The following ANK2 variants were observed in gnomAD, a reference collection of about 807,000 sequenced individuals.
ANK2 encodes ankyrin-2.
A neutral mutation model predicts 360.5 loss-of-function variants in ANK2; 83 were observed. The observed-to-expected ratio is 0.23, with a 90% CI of 0.19 to 0.28. The LOEUF is 0.28. Among genes scored for constraint, ANK2 ranks in the 10% least tolerant of loss-of-function variants. The pLI is 1.00. For missense variants in ANK2, 4,201 were observed against 4,795.7 expected (o/e 0.88, Z 3.66); for synonymous variants, 1,740 against 1,759.5 (o/e 0.99, Z 0.28).
chr4:112,788,354 A>C, the ANK2 span: 1 of 1,549,954 alleles, frequency 6.5e-7, no homozygotes, highest in Non-Finnish European at 8.8e-7. Flanking sequence ...AGGGACCACC[A>C]TTTTACGACA....
intron 13 of ANK2, among the ~76,000 whole-genome samples, chr4:113,259,191 T>C (rs577108084): frequency 6.6e-6 from 1 of 152,246 alleles, no homozygotes; most frequent in Non-Finnish European, 1.5e-5. Flanking sequence ...AATCATTGAA[T>C]GCAAATGTTC....
intron 31 of ANK2, among the ~76,000 whole-genome samples, chr4:113,337,227 G>A (rs1195566434): frequency 6.6e-6 from 1 of 152,168 alleles, no homozygotes; most frequent in Non-Finnish European, 1.5e-5. Context: ...ATACCCAATA[G>A]TTCAAACCAA....
chr4:113,144,032 T>C (rs1364351366), intron 1 of ANK2, among the ~76,000 whole-genome samples: 1 of 151,868 alleles, frequency 6.6e-6, no homozygotes, highest in African/African-American at 2.4e-5. Flanking sequence ...ATTTAAAAGG[T>C]TTAGATTTCA....
chr4:113,162,721 G>GT (rs1294080776), intron 1 of ANK2, among the ~76,000 whole-genome samples: 1 of 139,932 alleles, frequency 7.1e-6, no homozygotes, highest in African/African-American at 2.7e-5. Flanking sequence ...GGTCTATCTT[G>GT]TAGCTAAAGG....
chr4:112,994,941 C>A (rs2048040780), intron 2 of ANK2, among the ~76,000 whole-genome samples: 2 of 152,152 alleles, frequency 1.3e-5, no homozygotes, highest in African/African-American at 4.8e-5. Context: ...GACTTCATTC[C>A]TTTTTTATGG....
At chr4:112,735,320 T>C in the ANK2 span, among the ~76,000 whole-genome samples, 1 of 151,324 alleles carries the variant, frequency 6.6e-6, no homozygotes, top group African/African-American at 2.4e-5. Flanking sequence ...GGCAGAGAGA[T>C]ACTCTGTTTC....
In ANK2 at chr4:113,358,848, C is replaced by T; in HGVS notation, c.10230C>T (p.Tyr3410=). 5 of 1,614,080 alleles carry T rather than the reference C, an allele frequency of 3.1e-6. No homozygotes were observed. The highest frequency in any genetic ancestry group is 4.2e-6 in the Non-Finnish European group (5 of 1,179,980). The change falls in exon 38 of 46, where the codon TAC becomes TAT. Residue 3410 remains tyrosine (Y), a synonymous_variant. Coordinates refer to ENST00000357077, the MANE Select transcript of ANK2 (RefSeq NM_001148.6). ...AATGCCCAGTAAAAACCCGAAGTTA[C>T]ACTGAGACAGAAACAGAGAGCAGAG... is the stretch of plus-strand genomic sequence containing the variant. ...KTKCPVKTRS[Y]TETETESRER... is the part of the protein sequence containing the mutation.
intron 2 of ANK2, among the ~76,000 whole-genome samples, chr4:113,188,568 C>T (rs898639468): frequency 6.6e-6 from 1 of 152,120 alleles, no homozygotes; most frequent in African/African-American, 2.4e-5. Flanking sequence ...TAAACACAAT[C>T]AGAAGCATGA....
chr4:113,178,731 G>A (rs908068815), intron 2 of ANK2, among the ~76,000 whole-genome samples: 8 of 152,040 alleles, frequency 5.3e-5, no homozygotes, highest in Admixed American at 3.3e-4. Context: ...CTTTGTGCTG[G>A]GGCTTTACAT....
At chr4:112,914,902 A>G (rs1219800102) in intron 2 of ANK2, among the ~76,000 whole-genome samples, 2 of 152,222 alleles carry the variant, frequency 1.3e-5, no homozygotes, top group Non-Finnish European at 1.5e-5. Context: ...TACCTGAAGG[A>G]ATACATGAAT....
the ANK2 span, among the ~76,000 whole-genome samples, chr4:112,708,292 G>A: frequency 3.3e-5 from 5 of 151,998 alleles, no homozygotes; most frequent in African/African-American, 1.2e-4. Flanking sequence ...GATTGAATTG[G>A]AATTAAATTA....
At chr4:112,981,490 G>A (rs1298491788) in intron 2 of ANK2, among the ~76,000 whole-genome samples, 4 of 152,202 alleles carry the variant, frequency 2.6e-5, no homozygotes, top group Non-Finnish European at 5.9e-5. Context: ...CGACCTTGCA[G>A]AGGTGGAACC....
chr4:113,370,425 T>C (rs1164480112), intron 43 of ANK2, among the ~76,000 whole-genome samples: 1 of 151,946 alleles, frequency 6.6e-6, no homozygotes, highest in East Asian at 1.9e-4. Context: ...TGTCATTAAG[T>C]GAGTTTTAAA....
chr4:113,020,283 C>T (rs1347457048), intron 2 of ANK2, among the ~76,000 whole-genome samples: 1 of 152,142 alleles, frequency 6.6e-6, no homozygotes, highest in Admixed American at 6.5e-5. Flanking sequence ...AACTCCTGGT[C>T]TCAAGCCATT....
chr4:112,778,324 A>G, the ANK2 span, among the ~76,000 whole-genome samples: 1 of 151,522 alleles, frequency 6.6e-6, no homozygotes, highest in Non-Finnish European at 1.5e-5. Flanking sequence ...GGAGCCCACC[A>G]CCACGCCTGG....
intron 4 of ANK2, among the ~76,000 whole-genome samples, chr4:113,209,636 C>T (rs2098998041): frequency 6.6e-6 from 1 of 151,938 alleles, no homozygotes; most frequent in African/African-American, 2.4e-5. Context: ...ATCCTGACCT[C>T]CCTGATGGCT....
intron 14 of ANK2, among the ~76,000 whole-genome samples, chr4:113,269,302 T>A (rs1358541537): frequency 6.6e-6 from 1 of 152,198 alleles, no homozygotes; most frequent in Non-Finnish European, 1.5e-5. Context: ...CTCACTGGCG[T>A]TCCAGGCGCC....
chr4:113,233,221 G>A (rs1230969612), intron 5 of ANK2, among the ~76,000 whole-genome samples: 1 of 128,336 alleles, frequency 7.8e-6, no homozygotes, highest in Non-Finnish European at 1.6e-5. Context: ...TGCAAGCTCC[G>A]CCTCCCGGGT....
chr4:113,282,268 T>A (rs2062710562), intron 17 of ANK2, among the ~76,000 whole-genome samples: 1 of 152,162 alleles, frequency 6.6e-6, no homozygotes, highest in Non-Finnish European at 1.5e-5. Context: ...AAATGGCACT[T>A]CCATCAGGAA....
Sources: allele counts gnomAD v4.1 joint callset (sites outside exome capture counted in the v4.1 genomes callset), GRCh38; gene constraint gnomAD v4.1.1; transcripts MANE v1.5; gene names NCBI Gene and HGNC (gene_info 2026-07-23, HGNC 2026-07-21).